MBNL1: variants seen among roughly 807,000 people sequenced by gnomAD.
MBNL1 encodes the protein muscleblind like splicing regulator 1.
MBNL1 carries 8 observed loss-of-function variants against 42.2 expected under a neutral mutation model. The ratio of observed to expected loss-of-function variants is 0.19; its 90% CI spans 0.11 to 0.34. The LOEUF is 0.34. MBNL1 is among the 10% of genes least tolerant of loss of function. The pLI, the probability that MBNL1 is intolerant of heterozygous loss-of-function variation, is 1.00. For synonymous variants in MBNL1, 169 were observed against 173.9 expected (o/e 0.97, Z 0.22); for missense variants, 309 against 495.3 (o/e 0.62, Z 3.57).
intron 2 of MBNL1, among the ~76,000 whole-genome samples, chr3:152,363,351 T>G (rs1438445401): frequency 6.6e-6 from 1 of 152,098 alleles, no homozygotes; most frequent in African/African-American, 2.4e-5. Context: ...AACTCAGTGT[T>G]AAATCAGAGT....
At chr3:152,257,382 G>A (rs2035595337) in intron 2 of MBNL1, among the ~76,000 whole-genome samples, 1 of 152,040 alleles carries the variant, frequency 6.6e-6, no homozygotes, top group African/African-American at 2.4e-5. Flanking sequence ...ATTAACTTGG[G>A]GCTTATGATC....
chr3:152,333,158 G>C (rs915365254), intron 2 of MBNL1, among the ~76,000 whole-genome samples: 4 of 152,096 alleles, frequency 2.6e-5, no homozygotes, highest in African/African-American at 9.7e-5. Flanking sequence ...TGGCAACAAT[G>C]GTAATCCCCC....
Position 152,269,111 on chromosome 3 carries a change from AGTTTCCCCGCGCCGCTTCATTGTTCG to A in MBNL1, c.-790+21_-790+46del. 4 of 451,372 alleles carry A rather than the reference AGTTTCCCCGCGCCGCTTCATTGTTCG, an allele frequency of 8.9e-6. No homozygotes were observed. The highest frequency in any genetic ancestry group is 1.8e-5 in the Non-Finnish European group (4 of 224,808). The allele number at this position is 451,372 out of a possible 1,614,324, so 28.0% of individuals were successfully genotyped here. ...GTGAGAGGTAAGTTTCCATTTTCAC[AGTTTCCCCGCGCCGCTTCATTGTTCG>A]GACTCCGGCGGGTCTGCCCGTGGCT... On this transcript the variant is annotated intron_variant, in intron 1 of 9. Coordinates refer to ENST00000324210, the MANE Select transcript of MBNL1 (RefSeq NM_021038.5).
At chr3:152,389,959 T>A (rs988555316) in intron 2 of MBNL1, among the ~76,000 whole-genome samples, 1 of 152,088 alleles carries the variant, frequency 6.6e-6, no homozygotes, top group African/African-American at 2.4e-5. Context: ...CACTGCAACA[T>A]ATGCCTCCCG....
intron 1 of MBNL1, among the ~76,000 whole-genome samples, chr3:152,281,796 A>G (rs2048643822): frequency 6.6e-6 from 1 of 152,188 alleles, no homozygotes; most frequent in African/African-American, 2.4e-5. Flanking sequence ...GGGTAATTCA[A>G]TTCATTTTTT....
chr3:152,332,739 T>TGCGCGC (rs1229920740), intron 2 of MBNL1, among the ~76,000 whole-genome samples: 3,069 of 115,578 alleles, frequency 0.027, 48 homozygotes, highest in East Asian at 0.034. Context: ...TGTGTGTGTG[T>TGCGCGC]GCGCGCGCGC....
chr3:152,258,983 C>T (rs1197887462), intron 2 of MBNL1, among the ~76,000 whole-genome samples: 1 of 152,160 alleles, frequency 6.6e-6, no homozygotes, highest in Non-Finnish European at 1.5e-5. Context: ...TCAGACGAGC[C>T]TTCCAGAGCT....
chr3:152,422,331 A>G (rs187230159), intron 3 of MBNL1, among the ~76,000 whole-genome samples: 13 of 152,066 alleles, frequency 8.5e-5, no homozygotes, highest in Admixed American at 3.3e-4. Context: ...CTTTAAACCA[A>G]CCATGATCAA....
At chr3:152,448,954 T>C (rs1419896948) in intron 6 of MBNL1, among the ~76,000 whole-genome samples, 1 of 152,236 alleles carries the variant, frequency 6.6e-6, no homozygotes, top group Admixed American at 6.5e-5. Context: ...ATCTTTCAAA[T>C]TGCAGTTTGC....
intron 3 of MBNL1, 109 bp from the exon 4 acceptor site, chr3:152,432,608 A>C: frequency 4.1e-4 from 338 of 831,906 alleles, no homozygotes; most frequent in Non-Finnish European, 6.1e-4. Flanking sequence ...GGAAGGAGGG[A>C]AGGCCTAAGG....
At chr3:152,448,769 ATAAAT>A (rs920753872) in intron 6 of MBNL1, among the ~76,000 whole-genome samples, 36 of 152,304 alleles carry the variant, frequency 2.4e-4, no homozygotes, top group Middle Eastern at 3.4e-3. Flanking sequence ...GATTCACAAA[ATAAAT>A]TATATGAGCT....
chr3:152,313,232 C>A (rs1158334975), intron 2 of MBNL1, among the ~76,000 whole-genome samples: 2 of 152,068 alleles, frequency 1.3e-5, no homozygotes, highest in East Asian at 3.8e-4. Context: ...ACCATGTTGG[C>A]CAGGCTGGTC....
chr3:152,300,343 A>G lies in MBNL1; in HGVS notation c.150A>G (p.Val50=), dbSNP rs762088936. Residue 50 remains valine, a synonymous_variant, in exon 2 of 10, where the codon GTA becomes GTG. Coordinates refer to ENST00000324210, the MANE Select transcript of MBNL1 (RefSeq NM_021038.5). ...GCTGCCAAGTTGAAAATGGACGAGT[A>G]ATCGCCTGCTTTGATTCATTGAAAG... The part of the protein sequence containing the change: ...SKSCQVENGR[V]IACFDSLKGR... 1.1e-5 allele frequency: 17 copies of G among 1,613,882 alleles called. No homozygotes were observed. The highest frequency in any genetic ancestry group is 1.7e-5 in the Admixed American group (1 of 59,992).
At chr3:152,404,833 G>T (rs1579680258) in intron 2 of MBNL1, among the ~76,000 whole-genome samples, 1 of 150,936 alleles carries the variant, frequency 6.6e-6, no homozygotes, top group Non-Finnish European at 1.5e-5. Flanking sequence ...CCAAATTGAA[G>T]AGGCATGTCA....
intron 2 of MBNL1, chr3:152,300,950 C>T: frequency 1.0e-6 from 1 of 981,460 alleles, no homozygotes; most frequent in Non-Finnish European, 1.2e-6. Flanking sequence ...CAGCACCTTA[C>T]CTGAGGCACA....
chr3:152,389,290 T>C (rs930562372), intron 2 of MBNL1, among the ~76,000 whole-genome samples: 1 of 152,132 alleles, frequency 6.6e-6, no homozygotes, highest in Non-Finnish European at 1.5e-5. Flanking sequence ...GGTTTCTCCA[T>C]GTTGGTCAGG....
At chr3:152,349,260 C>T (rs1414116106) in intron 2 of MBNL1, among the ~76,000 whole-genome samples, 2 of 151,902 alleles carry the variant, frequency 1.3e-5, no homozygotes, top group African/African-American at 4.8e-5. Context: ...GTATCTATTG[C>T]CTTTATCTTA....
At chr3:152,351,148 G>A (rs1254818978) in intron 2 of MBNL1, among the ~76,000 whole-genome samples, 1 of 151,978 alleles carries the variant, frequency 6.6e-6, no homozygotes, top group Admixed American at 6.6e-5. Flanking sequence ...TTCAGAAGTG[G>A]ATATATCCAA....
intron 3 of MBNL1, among the ~76,000 whole-genome samples, chr3:152,425,522 C>T (rs2098914363): frequency 6.6e-6 from 1 of 151,722 alleles, no homozygotes; most frequent in South Asian, 2.1e-4. Flanking sequence ...GCAAGAGAAT[C>T]GCTTGAACCT....
Sources: allele counts gnomAD v4.1 joint callset (sites outside exome capture counted in the v4.1 genomes callset), GRCh38; gene constraint gnomAD v4.1.1; transcripts MANE v1.5; gene names NCBI Gene and HGNC (gene_info 2026-07-23, HGNC 2026-07-21).